TMEM209: variants seen among roughly 807,000 people sequenced by gnomAD.
The protein encoded by TMEM209 is testicular tissue protein Li 202.
Under a neutral mutation model 76.2 loss-of-function variants are expected in TMEM209, and 65 were observed. That is an observed-to-expected ratio of 0.85 (90% CI 0.70 to 1.05). The LOEUF (loss-of-function observed/expected upper bound fraction) is 1.05, where lower values mean the gene tolerates loss of function less well. Among genes scored for constraint, TMEM209 ranks in the 50% least tolerant of loss-of-function variants. The pLI, the probability that TMEM209 is intolerant of heterozygous loss-of-function variation, is 0.00. For missense variants in TMEM209, 623 were observed against 685.5 expected, an observed-to-expected ratio of 0.91 and a Z score of 1.02; for synonymous variants, 239 against 237.6, an observed-to-expected ratio of 1.01 and a Z score of -0.06.
intron 14 of TMEM209, among the ~76,000 whole-genome samples, chr7:130,169,084 C>T (rs890698334): frequency 1.3e-5 from 2 of 150,430 alleles, no homozygotes; most frequent in Non-Finnish European, 2.9e-5. Flanking sequence ...CAAAAATACC[C>T]GGCATGGTGG....
rs1797356394 is a variant in TMEM209 at position 130,179,948 on chromosome 7, A to G, written c.1121-1421T>C. Among the ~76,000 whole-genome samples, 3 of 152,234 alleles carry G rather than the reference A, an allele frequency of 2.0e-5. No homozygotes were observed. In the South Asian group the frequency reaches 6.2e-4, roughly 31 times the overall value. ...ACCACTGCATTCCCTCTTGGGCAAA[A>G]GAGCGAGACTCTGTCTAGAAAACAA... On this transcript the variant is annotated intron_variant, in intron 9 of 14. Coordinates refer to ENST00000397622, the MANE Select transcript of TMEM209 (RefSeq NM_032842.4).
rs1797114718 is a variant in TMEM209 at position 130,172,820 on chromosome 7, G to A, written c.1557+812C>T. ...TTGAGACCAGCCTGGCCAACATGGTGAAACCCCATCTCTACTAAAATACAA... is the reference window on the plus strand; with the variant it reads ...TTGAGACCAGCCTGGCCAACATGGTAAAACCCCATCTCTACTAAAATACAA... On this transcript the variant is annotated intron_variant, in intron 13 of 14. Coordinates refer to ENST00000397622, the MANE Select transcript of TMEM209 (RefSeq NM_032842.4). 2.0e-5 allele frequency among the ~76,000 whole-genome samples: 3 copies of A among 151,766 alleles called. No individual in the cohort carries two copies. The South Asian group carries it at 6.3e-4, about 32-fold the overall frequency.
chr7:130,170,559 T>C, intron 13 of TMEM209, 86 bp from the exon 14 acceptor site: 1 of 1,000,458 alleles, frequency 1.0e-6, no homozygotes, highest in South Asian at 1.5e-5. Context: ...TCAATTCATA[T>C]CCTACTAACT....
In TMEM209 at chr7:130,201,088, CAAAAAAAAAAAAA is replaced by C. The variant is rs869309249; in HGVS notation, c.573+749_573+761del. ...TAGGCAACAGAGCGAGACTCTGTCTCAAAAAAAAAAAAAAAAAAAAAAAAAAAAGAAATATGTA... is the reference window on the plus strand; with the variant it reads ...TAGGCAACAGAGCGAGACTCTGTCTCAAAAAAAAAAAAAAAGAAATATGTA... On this transcript the variant is annotated intron_variant, in intron 5 of 14. Coordinates refer to ENST00000397622, the MANE Select transcript of TMEM209 (RefSeq NM_032842.4). Among the ~76,000 whole-genome samples the C allele has an allele frequency of 1.5e-4, 11 of 74,178 alleles. No individual in the cohort carries two copies. The South Asian group carries it at 3.6e-3, about 24-fold the overall frequency. The allele number at this position is 74,178 out of a possible 152,430, so 48.7% of individuals were successfully genotyped here. A position where few individuals can be genotyped will look rare whatever the true frequency, so the allele number is the denominator to read the frequency against.
rs372998041 is a variant in TMEM209 at position 130,170,433 on chromosome 7, T to C, written c.1598A>G (p.Tyr533Cys). 1.7e-4 allele frequency: 278 copies of C among 1,613,180 alleles called. No individual in the cohort carries two copies. The highest frequency in any genetic ancestry group is 2.2e-4 in the Non-Finnish European group (257 of 1,179,752). Reference protein sequence around the residue: ...NMFHTLLMFLYIIKTKESGML... With the variant: ...NMFHTLLMFLCIIKTKESGML... The stretch of plus-strand genomic sequence containing the variant: ...TCCTGACTCTTTGGTCTTTATGATG[T>C]AGAGAAACATCAACAATGTATGAAA... Residue 533 changes from tyrosine (Y) to cysteine (C), a missense_variant, in exon 14 of 15, where the codon TAC becomes TGC. Tyr to Cys is a radical substitution (Grantham distance 194). Coordinates refer to ENST00000397622, the MANE Select transcript of TMEM209 (RefSeq NM_032842.4).
chr7:130,174,017 T>G, intron 11 of TMEM209, 78 bp from the exon 12 acceptor site: 3 of 958,568 alleles, frequency 3.1e-6, no homozygotes, highest in Non-Finnish European at 4.8e-6. Flanking sequence ...GAAACATCTG[T>G]ATTTATAACG....
At chr7:130,203,948 C>A (rs1230947274) in intron 2 of TMEM209, 26 bp downstream of exon 2, 1 of 1,607,436 alleles carries the variant, frequency 6.2e-7, no homozygotes, top group South Asian at 1.1e-5. Context: ...CTTAAAGTTT[C>A]ACTTTTTTTG....
intron 5 of TMEM209, among the ~76,000 whole-genome samples, chr7:130,193,834 G>T (rs776578241): frequency 1.3e-5 from 2 of 152,108 alleles, no homozygotes; most frequent in Non-Finnish European, 2.9e-5. Context: ...CACCAAGAGT[G>T]AACCCTAATG....
At chr7:130,196,433 G>C (rs895417640) in intron 5 of TMEM209, among the ~76,000 whole-genome samples, 2 of 151,614 alleles carry the variant, frequency 1.3e-5, no homozygotes, top group African/African-American at 4.9e-5. Context: ...CATATATTGT[G>C]CTAAGGAAAC....
chr7:130,202,725 A>G, intron 3 of TMEM209, 62 bp from the exon 4 acceptor site: 1 of 1,545,392 alleles, frequency 6.5e-7, no homozygotes, highest in African/African-American at 1.4e-5. Context: ...GGAGAACACA[A>G]AAACCCTCTA....
Position 130,185,178 on chromosome 7 carries a change from T to G in TMEM209, c.951+14A>C. 1.3e-6 allele frequency: 2 copies of G among 1,597,854 alleles called. No homozygotes were observed. Among genetic ancestry groups the G allele is most frequent in the Non-Finnish European group, 1.7e-6 (2 of 1,171,262 alleles). On this transcript the variant is annotated intron_variant, in intron 7 of 14. Coordinates refer to ENST00000397622, the MANE Select transcript of TMEM209 (RefSeq NM_032842.4). ...TAAATCATAAATATTAAGTCACTTTTATTTTCCACTTACCTCTTCTGCGGC... is the reference window on the plus strand; with the variant it reads ...TAAATCATAAATATTAAGTCACTTTGATTTTCCACTTACCTCTTCTGCGGC...
At position 130,185,371 on chromosome 7, in the gene TMEM209, C is replaced by T. The variant is rs760629020; in HGVS notation, c.776-4G>A. On this transcript the variant is annotated splice_polypyrimidine_tract_variant and splice_region_variant and intron_variant, in intron 6 of 14. Transcript: ENST00000397622. The stretch of plus-strand genomic sequence containing the variant: ...GGAGAGGTAGAATCTGGGCTCCCTA[C>T]AATTGTTAAGATAAACAGTATCAGT... 1.2e-6 allele frequency: 2 copies of T among 1,612,868 alleles called. No individual in the cohort carries two copies.
chr7:130,201,647 T>TA (rs1212715418), intron 5 of TMEM209, among the ~76,000 whole-genome samples: 1 of 152,268 alleles, frequency 6.6e-6, no homozygotes, highest in East Asian at 1.9e-4. Context: ...CTAAGTTTGT[T>TA]ATCTCTGTAA....
At position 130,175,356 on chromosome 7, in the gene TMEM209, G is replaced by A. The variant is rs1253449898; in HGVS notation, c.1344+156C>T. 5 of 595,528 alleles carry A rather than the reference G, an allele frequency of 8.4e-6. No individual in the cohort carries two copies. In the African/African-American group the frequency reaches 9.6e-5, roughly 11 times the overall value. The allele number at this position is 595,528 out of a possible 1,614,324, so 36.9% of individuals were successfully genotyped here. On this transcript the variant is annotated intron_variant, in intron 11 of 14. Coordinates refer to ENST00000397622, the MANE Select transcript of TMEM209 (RefSeq NM_032842.4). ...TTCAGGCCTAGTCCCAGCTACTTGG[G>A]AGGCTGAGCTGGGAGGAGCACTTGA...
chr7:130,166,332 A>G lies in TMEM209; in HGVS notation c.*119T>C. ...GCTACATTTTCTGTTAAATCTAAAG[A>G]GTCTGTAACATACACCCATGTGTAT... On this transcript the variant is annotated 3_prime_UTR_variant, in exon 15 of 15. Transcript: ENST00000397622. 1.6e-6 allele frequency: 1 copy of G among 619,920 alleles called. No individual in the cohort carries two copies. Among genetic ancestry groups the G allele is most frequent in the Non-Finnish European group, 2.5e-6 (1 of 396,570 alleles). 38.4% of individuals were successfully genotyped at this position (619,920 alleles called of 1,614,324 possible).
At chr7:130,181,749 A>G in intron 8 of TMEM209, 30 bp from the exon 9 acceptor site, 2 of 1,549,948 alleles carry the variant, frequency 1.3e-6, no homozygotes, top group Middle Eastern at 3.4e-4. Flanking sequence ...GATTTTGGAT[A>G]CATAATTCCC....
At chr7:130,188,429 T>C (rs574206258) in intron 6 of TMEM209, among the ~76,000 whole-genome samples, 6 of 151,856 alleles carry the variant, frequency 4.0e-5, no homozygotes, top group East Asian at 1.9e-4. Flanking sequence ...ACCCCGTCTC[T>C]ACTAAAAATA....
intron 14 of TMEM209, among the ~76,000 whole-genome samples, chr7:130,169,089 T>C (rs1796968697): frequency 6.7e-6 from 1 of 148,994 alleles, no homozygotes; most frequent in Non-Finnish European, 1.5e-5. Flanking sequence ...ATACCCGGCA[T>C]GGTGGCGGGC....
intron 5 of TMEM209, among the ~76,000 whole-genome samples, chr7:130,193,687 C>A (rs185491713): frequency 4.6e-4 from 69 of 151,356 alleles, no homozygotes; most frequent in African/African-American, 1.6e-3. Context: ...AAAACTATGG[C>A]GGCAATTAAA....
Sources: allele counts gnomAD v4.1 joint callset (sites outside exome capture counted in the v4.1 genomes callset), GRCh38; gene constraint gnomAD v4.1.1; transcripts MANE v1.5; gene names NCBI Gene and HGNC (gene_info 2026-07-23, HGNC 2026-07-21).